CPE: variants seen among roughly 807,000 people sequenced by gnomAD.
The protein encoded by CPE is carbocypeptidase E.
CPE carries 17 observed loss-of-function variants against 53.5 expected under a neutral mutation model. The observed-to-expected ratio is 0.32, with a 90% CI of 0.22 to 0.48. CPE has a LOEUF of 0.48. CPE is among the 20% of genes least tolerant of loss of function. The probability of loss-of-function intolerance (pLI) is 0.99; values close to 1 mark genes in which losing one functional copy is unlikely to be tolerated. For synonymous variants in CPE, 226 were observed against 228.8 expected (o/e 0.99, Z 0.11); for missense variants, 524 against 614.7 (o/e 0.85, Z 1.56).
intron 2 of CPE, among the ~76,000 whole-genome samples, chr4:165,466,527 T>G (rs868463341): frequency 2.0e-5 from 3 of 151,276 alleles, no homozygotes; most frequent in African/African-American, 4.8e-5. Flanking sequence ...GTAACTTTCT[T>G]TTTTTTTTGA....
chr4:165,379,928 T>C lies in CPE; in HGVS notation c.307+400T>C, dbSNP rs899965277. ...AAAAACCCAAAGGAATGATTGCGAG[T>C]CCCCCGCAAGGGGGGTTGGTCTTCC... On this transcript the variant is annotated intron_variant, in intron 1 of 8. Coordinates refer to ENST00000402744, the MANE Select transcript of CPE (RefSeq NM_001873.4). The surrounding 1 kb of genome is among the most constrained non-coding windows in gnomAD (Gnocchi z 6.0). Among the ~76,000 whole-genome samples the C allele has an allele frequency of 1.3e-5, 2 of 151,998 alleles. No individual in the cohort carries two copies. Among genetic ancestry groups the C allele is most frequent in the African/African-American group, 4.8e-5 (2 of 41,372 alleles).
At chr4:165,385,141 G>C (rs1730569465) in intron 1 of CPE, among the ~76,000 whole-genome samples, 1 of 152,170 alleles carries the variant, frequency 6.6e-6, no homozygotes, top group African/African-American at 2.4e-5. Context: ...CAGGATCGCT[G>C]TGAGGCCAAA....
At chr4:165,440,463 C>T (rs1223898419) in intron 1 of CPE, among the ~76,000 whole-genome samples, 1 of 126,470 alleles carries the variant, frequency 7.9e-6, no homozygotes, top group Non-Finnish European at 1.7e-5. Flanking sequence ...CACCCCCCCC[C>T]ACACACACAA....
At chr4:165,495,860 A>G (rs1255801196) in intron 8 of CPE, among the ~76,000 whole-genome samples, 183 bp downstream of exon 8, 1 of 152,236 alleles carries the variant, frequency 6.6e-6, no homozygotes, top group East Asian at 1.9e-4. Context: ...CTCTATTACC[A>G]TTTCTCAGTT....
At chr4:165,447,798 T>C (rs1220231283) in intron 1 of CPE, among the ~76,000 whole-genome samples, 1 of 152,142 alleles carries the variant, frequency 6.6e-6, no homozygotes, top group East Asian at 1.9e-4. Flanking sequence ...AAAATTTTTG[T>C]ATTTTTCTAC....
At chr4:165,473,889 C>A (rs1732249765) in intron 3 of CPE, among the ~76,000 whole-genome samples, 1 of 152,242 alleles carries the variant, frequency 6.6e-6, no homozygotes, top group Non-Finnish European at 1.5e-5. Context: ...TGGAAGCCAG[C>A]CAGAGCAGAG....
rs751352733 is a variant in CPE, at chr4:165,480,154, C to G, written c.673-2088C>G. ...CTTTAAAAATTCTATTGTCATTAAT[C>G]AAAGTGACACACTTTAAAACACATA... On this transcript the variant is annotated intron_variant, in intron 3 of 8. Coordinates refer to ENST00000402744, the MANE Select transcript of CPE (RefSeq NM_001873.4). Among the ~76,000 whole-genome samples the G allele has an allele frequency of 2.0e-5, 3 of 152,038 alleles. No homozygotes were observed. In the South Asian group the frequency reaches 6.2e-4, roughly 32 times the overall value.
At chr4:165,401,613 A>T (rs189538811) in intron 1 of CPE, among the ~76,000 whole-genome samples, 1 of 152,366 alleles carries the variant, frequency 6.6e-6, no homozygotes, top group East Asian at 1.9e-4. Context: ...TTAATGAATA[A>T]TAGAAATTAT....
intron 1 of CPE, among the ~76,000 whole-genome samples, chr4:165,386,755 A>G (rs1730600030): frequency 6.6e-6 from 1 of 152,238 alleles, no homozygotes; most frequent in Non-Finnish European, 1.5e-5. Flanking sequence ...AACATTTTAA[A>G]GATAATTGGT....
Position 165,484,504 on chromosome 4 carries a change from C to A in CPE, c.873C>A (p.Ala291=), listed in dbSNP as rs775722708. Residue 291 remains alanine (A), a synonymous_variant, in exon 5 of 9, where the codon GCC becomes GCA. Transcript: ENST00000402744. ...GGGCATACTCTTCTTTCAACCCGGC[C>A]ATGTCTGACCCCAATCGGCCACCAT... The part of the protein sequence containing the change: ...LARAYSSFNP[A]MSDPNRPPCR... The A allele has an allele frequency of 5.6e-6, 9 of 1,614,128 alleles. No individual in the cohort carries two copies. The highest frequency in any genetic ancestry group is 6.8e-6 in the Non-Finnish European group (8 of 1,179,988).
At chr4:165,426,689 A>G (rs1371124400) in intron 1 of CPE, among the ~76,000 whole-genome samples, 1 of 152,260 alleles carries the variant, frequency 6.6e-6, no homozygotes, top group Non-Finnish European at 1.5e-5. Context: ...ATACACATGC[A>G]CACTCACCGG....
intron 1 of CPE, among the ~76,000 whole-genome samples, chr4:165,459,156 G>A (rs950442747): frequency 7.2e-5 from 11 of 152,258 alleles, no homozygotes; most frequent in Admixed American, 6.5e-4. Context: ...TACTGATTTA[G>A]TTATTTCAAA....
chr4:165,405,535 G>T, intron 1 of CPE: 1 of 950,414 alleles, frequency 1.1e-6, no homozygotes, highest in Non-Finnish European at 1.7e-6. Context: ...TCTGTTGCCT[G>T]ACAAATGGAA....
intron 2 of CPE, among the ~76,000 whole-genome samples, chr4:165,465,261 A>G (rs916022073): frequency 1.3e-5 from 2 of 152,176 alleles, no homozygotes; most frequent in Non-Finnish European, 2.9e-5. Context: ...CTATGGGAAC[A>G]TGGGAACACA....
chr4:165,452,589 T>C (rs1303720306), intron 1 of CPE, among the ~76,000 whole-genome samples: 1 of 152,188 alleles, frequency 6.6e-6, no homozygotes, highest in Non-Finnish European at 1.5e-5. Flanking sequence ...TTTTTTGGGT[T>C]TTTTTTGCAA....
intron 2 of CPE, among the ~76,000 whole-genome samples, chr4:165,464,902 C>T (rs1282935445): frequency 2.6e-5 from 4 of 152,086 alleles, no homozygotes; most frequent in African/African-American, 9.7e-5. Context: ...TTTTAAAAAT[C>T]TACAAATATA....
chr4:165,403,669 C>CTT (rs368667229), intron 1 of CPE, among the ~76,000 whole-genome samples: 20 of 132,470 alleles, frequency 1.5e-4, no homozygotes, highest in Middle Eastern at 4.0e-3. Flanking sequence ...TAATTTCATT[C>CTT]TTTTTTTTTT....
chr4:165,422,706 G>A (rs538870974), intron 1 of CPE, among the ~76,000 whole-genome samples: 1 of 152,182 alleles, frequency 6.6e-6, no homozygotes, highest in African/African-American at 2.4e-5. Context: ...GGCCAGGTGC[G>A]GTGGCTCAGG....
intron 1 of CPE, among the ~76,000 whole-genome samples, chr4:165,444,951 A>C (rs201274086): frequency 0.11 from 6,300 of 58,632 alleles, 218 homozygotes; most frequent in East Asian, 0.36. Flanking sequence ...CTTTCTTCTT[A>C]TTTTATTTTT....
Sources: allele counts gnomAD v4.1 joint callset (sites outside exome capture counted in the v4.1 genomes callset), GRCh38; gene constraint gnomAD v4.1.1; non-coding constraint Gnocchi (gnomAD v3.1); transcripts MANE v1.5; gene names NCBI Gene and HGNC (gene_info 2026-07-23, HGNC 2026-07-21).